The following MGAT4C variants were observed in gnomAD, a reference collection of about 807,000 sequenced individuals.
The protein encoded by MGAT4C is MGAT4 family member C, also known as alpha-1,3-mannosyl-glycoprotein 4-beta-N-acetylglucosaminyltransferase C.
In MGAT4C, 19 loss-of-function variants were observed where a neutral mutation model predicts 40.1. The observed-to-expected ratio is 0.47, with a 90% CI of 0.33 to 0.70. The LOEUF (loss-of-function observed/expected upper bound fraction) is 0.70, where lower values mean the gene tolerates loss of function less well. Among genes scored for constraint, MGAT4C ranks in the 30% least tolerant of loss-of-function variants. The pLI, the probability that MGAT4C is intolerant of heterozygous loss-of-function variation, is 0.02. For missense variants in MGAT4C, 491 were observed against 563.2 expected (o/e 0.87, Z 1.30); for synonymous variants, 181 against 187.1 (o/e 0.97, Z 0.27).
intron 1 of MGAT4C, among the ~76,000 whole-genome samples, chr12:86,781,012 TTGTGTG>T (rs201109835): frequency 2.6e-5 from 1 of 39,058 alleles, no homozygotes; most frequent in Non-Finnish European, 1.1e-4. Flanking sequence ...TGGCTGAGTA[TTGTGTG>T]TGTGTGTGTG....
chr12:86,191,673 A>ACACACC (rs1555243691), intron 1 of MGAT4C, among the ~76,000 whole-genome samples: 26 of 122,316 alleles, frequency 2.1e-4, no homozygotes, highest in Admixed American at 4.0e-4. Context: ...ACACACACAC[A>ACACACC]CCCTTATCTC....
chr12:86,493,162 G>A, intron 2 of MGAT4C, among the ~76,000 whole-genome samples: 1 of 150,726 alleles, frequency 6.6e-6, no homozygotes, highest in Non-Finnish European at 1.5e-5. Flanking sequence ...TGCTGTAGAG[G>A]ATGTGGAGAA....
chr12:86,831,640 C>A (rs1952930218), intron 1 of MGAT4C, among the ~76,000 whole-genome samples: 1 of 151,712 alleles, frequency 6.6e-6, no homozygotes, highest in Non-Finnish European at 1.5e-5. Flanking sequence ...ATCCAGGTGT[C>A]CAAATAAAAA....
chr12:86,257,948 AGATATGGG>A (rs1481680719), upstream of MGAT4C, among the ~76,000 whole-genome samples: 1 of 152,132 alleles, frequency 6.6e-6, no homozygotes, highest in East Asian at 1.9e-4. Context: ...ATAATAATAA[AGATATGGG>A]GATCAGATGA....
At chr12:86,004,634 G>C (rs1417819300) in intron 2 of MGAT4C, among the ~76,000 whole-genome samples, 2 of 152,090 alleles carry the variant, frequency 1.3e-5, no homozygotes, top group Non-Finnish European at 2.9e-5. Flanking sequence ...AGAGCAAGGA[G>C]AACAAGAATT....
At chr12:86,760,270 C>T (rs1246273209) in intron 1 of MGAT4C, among the ~76,000 whole-genome samples, 2 of 152,044 alleles carry the variant, frequency 1.3e-5, no homozygotes, top group African/African-American at 4.8e-5. Context: ...AAAAATAACT[C>T]AGAATGGATT....
chr12:86,353,798 C>CCT (rs761519428), intron 3 of MGAT4C, among the ~76,000 whole-genome samples: 19 of 151,550 alleles, frequency 1.3e-4, no homozygotes, highest in Non-Finnish European at 1.9e-4. Context: ...CCTCTCTCTG[C>CCT]CTCTCTCTCT....
chr12:86,212,878 C>T (rs1950530526), intron 1 of MGAT4C, among the ~76,000 whole-genome samples: 1 of 43,486 alleles, frequency 2.3e-5, no homozygotes, highest in African/African-American at 7.6e-5. Context: ...GGCGACAGAG[C>T]GAGACTCCGT....
At chr12:86,605,718 C>T (rs1244822111) in intron 2 of MGAT4C, among the ~76,000 whole-genome samples, 2 of 152,136 alleles carry the variant, frequency 1.3e-5, no homozygotes, top group African/African-American at 2.4e-5. Flanking sequence ...TTGAGTGAAA[C>T]TGTGTAGCAT....
At chr12:86,107,421 T>C (rs1218968942) in intron 1 of MGAT4C, among the ~76,000 whole-genome samples, 3 of 152,120 alleles carry the variant, frequency 2.0e-5, no homozygotes, top group Non-Finnish European at 4.4e-5. Flanking sequence ...TCCTGACATA[T>C]ACTTAAAACT....
At chr12:86,421,320 A>G (rs1359620486) in intron 3 of MGAT4C, among the ~76,000 whole-genome samples, 1 of 152,228 alleles carries the variant, frequency 6.6e-6, no homozygotes, top group African/African-American at 2.4e-5. Flanking sequence ...TCCAGAAGTT[A>G]GGCCCATGGT....
chr12:86,184,627 CT>C (rs201379929), intron 1 of MGAT4C, among the ~76,000 whole-genome samples: 1 of 75,280 alleles, frequency 1.3e-5, no homozygotes, highest in East Asian at 4.3e-4. Context: ...ATCACATTTT[CT>C]TTTTTTTTCT....
intron 3 of MGAT4C, among the ~76,000 whole-genome samples, chr12:86,357,620 A>G (rs1955346705): frequency 6.6e-6 from 1 of 152,206 alleles, no homozygotes; most frequent in Admixed American, 6.5e-5. Context: ...GGAACAGTGT[A>G]GAGAAGAACT....
At chr12:86,119,673 T>C (rs1879046403) in intron 1 of MGAT4C, among the ~76,000 whole-genome samples, 1 of 151,250 alleles carries the variant, frequency 6.6e-6, no homozygotes, top group South Asian at 2.1e-4. Flanking sequence ...CCTCCCAAAG[T>C]GCTGGAATTA....
chr12:86,592,723 T>G (rs2136450289), intron 2 of MGAT4C, among the ~76,000 whole-genome samples: 1 of 152,270 alleles, frequency 6.6e-6, no homozygotes, highest in Non-Finnish European at 1.5e-5. Context: ...GTCTTTTGCT[T>G]ATGATACCTC....
At chr12:86,157,467 A>G (rs1368313429) in intron 1 of MGAT4C, among the ~76,000 whole-genome samples, 1 of 152,208 alleles carries the variant, frequency 6.6e-6, no homozygotes, top group African/African-American at 2.4e-5. Context: ...ATTATTCACC[A>G]CATTTTTAAT....
chr12:86,265,765 T>C (rs1363583546), intron 4 of MGAT4C, among the ~76,000 whole-genome samples: 2 of 152,206 alleles, frequency 1.3e-5, no homozygotes, highest in East Asian at 1.9e-4. Context: ...TTTAATGATA[T>C]TTGTGTTTCC....
At chr12:86,550,198 C>T (rs1959279830) in intron 2 of MGAT4C, among the ~76,000 whole-genome samples, 1 of 152,152 alleles carries the variant, frequency 6.6e-6, no homozygotes, top group African/African-American at 2.4e-5. Flanking sequence ...TTTCCTGGGG[C>T]TTTTCCAGCC....
intron 2 of MGAT4C, among the ~76,000 whole-genome samples, chr12:86,499,935 CT>C (rs1472211802): frequency 6.6e-6 from 1 of 151,726 alleles, no homozygotes; most frequent in Admixed American, 6.6e-5. Flanking sequence ...GCTTTTTCTT[CT>C]TTTTGCCCAT....
Sources: gnomAD v4.1 joint callset for allele counts (sites outside exome capture counted in the v4.1 genomes callset) on GRCh38, gnomAD v4.1.1 for gene constraint, MANE v1.5 for transcripts, NCBI Gene and HGNC (gene_info 2026-07-23, HGNC 2026-07-21) for gene names.